Variants in COL16A1 observed in about 807,000 individuals in gnomAD.
COL16A1 encodes collagen alpha-1(XVI) chain.
COL16A1 carries 189 observed loss-of-function variants against 266.3 expected under a neutral mutation model. The ratio of observed to expected loss-of-function variants is 0.71; its 90% CI spans 0.63 to 0.80. The LOEUF is 0.80. Among genes scored for constraint, COL16A1 ranks in the 30% least tolerant of loss-of-function variants. The pLI, the probability that COL16A1 is intolerant of heterozygous loss-of-function variation, is 0.00. For missense variants in COL16A1, 1,928 were observed against 2,122.4 expected, an observed-to-expected ratio of 0.91 and a Z score of 1.80; for synonymous variants, 740 against 782.3, an observed-to-expected ratio of 0.95 and a Z score of 0.90.
Position 31,652,688 on chromosome 1 carries a change from T to A in COL16A1, c.4778A>T (p.Tyr1593Phe), listed in dbSNP as rs1354619201. The change falls in exon 71 of 71, where the codon TAC (tyrosine) becomes TTC (phenylalanine). Residue 1593 changes from tyrosine to phenylalanine, a missense_variant. Around this residue, in one of 2 missense-constraint regions of COL16A1, gnomAD observed 376 missense variants for 485.2 expected, o/e 0.77. Transcript: ENST00000373672. This position sits in a 1 kb window ranked among gnomAD's most constrained non-coding sequence, Gnocchi z 4.8. The stretch of plus-strand genomic sequence containing the variant: ...CCCCTTCATGGTTTTCATGGGTGGG[T>A]ACTGCTGCTCCATCGGCATGGCCCC... The part of the protein sequence containing the change: ...CFGAMPMEQQ[Y>F]PPMKTMKGPF... The A allele has an allele frequency of 6.2e-7, 1 of 1,602,758 alleles. No individual in the cohort carries two copies. Among genetic ancestry groups the A allele is most frequent in the Non-Finnish European group, 8.5e-7 (1 of 1,176,596 alleles).
At chr1:31,690,064 G>T in intron 22 of COL16A1, 1 of 617,436 alleles carries the variant, frequency 1.6e-6, no homozygotes. Flanking sequence ...CTACATCCTC[G>T]CCGTAAGCCT....
chr1:31,664,485 G>A lies in COL16A1; in HGVS notation c.3555+687C>T, dbSNP rs866641434. Among the ~76,000 whole-genome samples, 19 of 152,298 alleles carry A rather than the reference G, an allele frequency of 1.2e-4. No homozygotes were observed. The highest frequency in any genetic ancestry group is 6.8e-3 in the Middle Eastern group (2 of 294). ...AGGTCCCCCGACCCCAAGCTCAGAA[G>A]TCAATCTTCGGGCTTCTTACACCAC... On this transcript the variant is annotated intron_variant, in intron 56 of 70. Coordinates refer to ENST00000373672, the MANE Select transcript of COL16A1 (RefSeq NM_001856.4). This position sits in a 1 kb window ranked among gnomAD's most constrained non-coding sequence, Gnocchi z 5.5.
At chr1:31,678,932 G>C (rs1004023877) in intron 42 of COL16A1, among the ~76,000 whole-genome samples, 4 of 152,224 alleles carry the variant, frequency 2.6e-5, no homozygotes, top group Admixed American at 6.5e-5. Context: ...ACTATCTCTG[G>C]CTTCCTTGCA....
rs918231502 is a variant in COL16A1 at position 31,664,215 on chromosome 1, C to A, written c.3555+957G>T. On this transcript the variant is annotated intron_variant, in intron 56 of 70. Coordinates refer to ENST00000373672, the MANE Select transcript of COL16A1 (RefSeq NM_001856.4). This position sits in a 1 kb window ranked among gnomAD's most constrained non-coding sequence, Gnocchi z 5.5. ...AGGGGAAGGGGGCTAGCAACCACCA[C>A]TGTCCCAAGCATGGCTGATCAGCAT... Among the ~76,000 whole-genome samples, 1 of 152,082 alleles carries A rather than the reference C, an allele frequency of 6.6e-6. No homozygotes were observed. Among genetic ancestry groups the A allele is most frequent in the African/African-American group, 2.4e-5 (1 of 41,414 alleles).
In COL16A1 at chr1:31,685,907, T is replaced by C. The variant is rs369373539; in HGVS notation, c.1885-137A>G. 8.9e-5 allele frequency: 134 copies of C among 1,507,588 alleles called. 1 individual carries two copies. The African/African-American group carries it at 1.6e-3, about 18-fold the overall frequency. The allele number at this position is 1,507,588 out of a possible 1,614,324, so 93.4% of individuals were successfully genotyped here. ...GGGTGAGGGGTTATCTTGGGAAAGA[T>C]GAAGGGAGAACAGGAAAGAAACAAA... On this transcript the variant is annotated intron_variant, in intron 28 of 70. Coordinates refer to ENST00000373672, the MANE Select transcript of COL16A1 (RefSeq NM_001856.4). The surrounding 1 kb of genome is among the most constrained non-coding windows in gnomAD (Gnocchi z 4.0).
At chr1:31,678,017 C>G (rs1400789673) in intron 42 of COL16A1, among the ~76,000 whole-genome samples, 1 of 152,138 alleles carries the variant, frequency 6.6e-6, no homozygotes. Flanking sequence ...GGCAGGAAGC[C>G]CCAAAAGCCC....
chr1:31,675,396 C>A (rs1415434060), intron 42 of COL16A1, 85 bp from the exon 43 acceptor site: 9 of 1,546,392 alleles, frequency 5.8e-6, no homozygotes, highest in African/African-American at 5.5e-5. Context: ...ATCCCCGCCT[C>A]CTCTTCCCCT....
intron 49 of COL16A1, among the ~76,000 whole-genome samples, chr1:31,669,241 C>T (rs1358920076): frequency 6.6e-6 from 1 of 152,082 alleles, no homozygotes. Context: ...GGGCAACTGT[C>T]AGGAGAGGTA....
Position 31,696,978 on chromosome 1 carries a change from C to T in COL16A1, c.849G>A (p.Glu283=), listed in dbSNP as rs932050634. ...KVYTRCFCLE[E]PQNSEVDAQL... is the part of the protein sequence containing the mutation. ...GCCCACCCACCTCGCTGTTTTGAGG[C>T]TCCTCCAGGCAGAAGCAGCGGGTGT... is the stretch of plus-strand genomic sequence containing the variant. The change falls in exon 8 of 71, where the codon GAG becomes GAA. Residue 283 remains glutamate (E), a synonymous_variant. Transcript: ENST00000373672. The T allele has an allele frequency of 6.2e-7, 1 of 1,614,080 alleles. No individual in the cohort carries two copies. The highest frequency in any genetic ancestry group is 8.5e-7 in the Non-Finnish European group (1 of 1,180,002).
intron 16 of COL16A1, among the ~76,000 whole-genome samples, chr1:31,692,271 G>A (rs1313460288): frequency 1.3e-5 from 2 of 148,784 alleles, no homozygotes. Context: ...CTTACTGGGG[G>A]AATCTGTGGC....
intron 42 of COL16A1, among the ~76,000 whole-genome samples, chr1:31,676,608 T>C (rs1251359535): frequency 1.3e-5 from 2 of 152,192 alleles, no homozygotes; most frequent in African/African-American, 2.4e-5. Context: ...AGTTGCCTTA[T>C]CTATAAAACA....
Position 31,654,970 on chromosome 1 carries a change from T to A in COL16A1, c.4291-112A>T, listed in dbSNP as rs572492995. 65 of 698,600 alleles carry A rather than the reference T, an allele frequency of 9.3e-5. No individual in the cohort carries two copies. In the South Asian group the frequency reaches 1.6e-3, roughly 18 times the overall value. The allele number at this position is 698,600 out of a possible 1,614,324, so 43.3% of individuals were successfully genotyped here. A position where few individuals can be genotyped will look rare whatever the true frequency, so the allele number is the denominator to read the frequency against. ...AAGGTCCCAGGAGCCTCCCACAGAT[T>A]CTTTTTTTTTTTTTTTTTTTTTTTT... On this transcript the variant is annotated intron_variant, in intron 67 of 70. Transcript: ENST00000373672.
Position 31,666,033 on chromosome 1 carries a change from T to G in COL16A1, c.3402+4A>C. ...CACATCTCCCCATGCCCTCCTTCAC[T>G]CACCGCTGGGCCTGGGGGGCCTGGG... On this transcript the variant is annotated splice_donor_region_variant and intron_variant, in intron 53 of 70. Transcript: ENST00000373672. 1 of 1,613,978 alleles carries G rather than the reference T, an allele frequency of 6.2e-7. No homozygotes were observed. The highest frequency in any genetic ancestry group is 8.5e-7 in the Non-Finnish European group (1 of 1,179,968).
intron 59 of COL16A1, 27 bp from the exon 60 acceptor site, chr1:31,661,485 T>C (rs1246722230): frequency 9.3e-6 from 15 of 1,614,214 alleles, no homozygotes; most frequent in East Asian, 2.2e-5. Context: ...GGAGTTCTCA[T>C]GTCCCTCATG....
In COL16A1 at chr1:31,662,539, T is replaced by C. The variant is rs75145224; in HGVS notation, c.3627+48A>G. ...CACACACACACATGCACCACACACA[T>C]GCGCATGCATCGCACACGTCTGCCA... On this transcript the variant is annotated intron_variant, in intron 57 of 70. Coordinates refer to ENST00000373672, the MANE Select transcript of COL16A1 (RefSeq NM_001856.4). 84,950 of 1,548,824 alleles carry C rather than the reference T, an allele frequency of 0.055. 2,628 individuals are homozygous for C. Among genetic ancestry groups the C allele is most frequent in the Middle Eastern group, 0.08 (396 of 4,924 alleles).
chr1:31,672,932 G>A, intron 44 of COL16A1, 92 bp from the exon 45 acceptor site: 2 of 1,207,802 alleles, frequency 1.7e-6, no homozygotes, highest in African/African-American at 1.5e-5. Context: ...CAGAGCCAGG[G>A]CTCCCTGCCC....
In COL16A1 at chr1:31,664,824, C is replaced by T. The variant is rs1641988241; in HGVS notation, c.3555+348G>A. On this transcript the variant is annotated intron_variant, in intron 56 of 70. Transcript: ENST00000373672. This position sits in a 1 kb window ranked among gnomAD's most constrained non-coding sequence, Gnocchi z 5.5. ...CTCGCTCATCCTCCCGCCCAGGAGACGAAGGTGGCCTGGGCTGCCTATCAC... is the reference window on the plus strand; with the variant it reads ...CTCGCTCATCCTCCCGCCCAGGAGATGAAGGTGGCCTGGGCTGCCTATCAC... Among the ~76,000 whole-genome samples, 3 of 152,250 alleles carry T rather than the reference C, an allele frequency of 2.0e-5. No individual in the cohort carries two copies. The highest frequency in any genetic ancestry group is 4.1e-4 in the South Asian group (2 of 4,822).
chr1:31,666,419 A>C, intron 52 of COL16A1: 2 of 307,798 alleles, frequency 6.5e-6, no homozygotes, highest in Non-Finnish European at 6.0e-6. Context: ...CTTTCCACCA[A>C]CGCTGGTCTT....
intron 58 of COL16A1, 124 bp from the exon 59 acceptor site, chr1:31,661,828 C>A: frequency 9.6e-7 from 1 of 1,043,874 alleles, no homozygotes; most frequent in South Asian, 1.7e-5. Context: ...AGAATCCAAG[C>A]CTGGCTCAGC....
Sources: allele counts gnomAD v4.1 joint callset (sites outside exome capture counted in the v4.1 genomes callset), GRCh38; gene constraint gnomAD v4.1.1; regional missense constraint gnomAD v4.1.1; non-coding constraint Gnocchi (gnomAD v3.1); transcripts MANE v1.5; gene names NCBI Gene and HGNC (gene_info 2026-07-23, HGNC 2026-07-21).